Variants in ACTN4 observed in about 807,000 individuals in gnomAD.
ACTN4 encodes actinin alpha 4.
A neutral mutation model predicts 114.2 loss-of-function variants in ACTN4; 18 were observed. The ratio of observed to expected loss-of-function variants is 0.16; its 90% CI spans 0.11 to 0.23. The LOEUF is 0.23. Ranked by LOEUF, ACTN4 falls within the 10% of genes least tolerant of loss-of-function variation. The pLI is 1.00. For missense variants in ACTN4, 722 were observed against 1,262.9 expected (o/e 0.57, Z 6.49); for synonymous variants, 515 against 506.3 (o/e 1.02, Z -0.23).
chr19:38,652,468 G>A (rs1410455193), intron 1 of ACTN4, among the ~76,000 whole-genome samples: 1 of 152,076 alleles, frequency 6.6e-6, no homozygotes, highest in Admixed American at 6.6e-5. Context: ...CTGGTGCCCT[G>A]GAGTGGCACC....
chr19:38,647,974 G>A, intron 1 of ACTN4, 67 bp downstream of exon 1: 1 of 1,393,228 alleles, frequency 7.2e-7, no homozygotes, highest in South Asian at 1.6e-5. Flanking sequence ...GGGGTGGGAG[G>A]TCCTGAAAGG....
intron 1 of ACTN4, among the ~76,000 whole-genome samples, chr19:38,678,898 A>T (rs1967462071): frequency 6.6e-6 from 1 of 152,322 alleles, no homozygotes; most frequent in South Asian, 2.1e-4. Flanking sequence ...TGGCTTGTTT[A>T]TCTGATGGTA....
At chr19:38,680,227 T>G (rs1160506722) in intron 1 of ACTN4, among the ~76,000 whole-genome samples, 31 of 59,784 alleles carry the variant, frequency 5.2e-4, no homozygotes, top group South Asian at 5.0e-4. Flanking sequence ...TTTTTTTTTT[T>G]TTTTTTTTTT....
intron 1 of ACTN4, among the ~76,000 whole-genome samples, chr19:38,681,629 G>C (rs1264103306): frequency 6.6e-6 from 1 of 152,170 alleles, no homozygotes; most frequent in Non-Finnish European, 1.5e-5. Context: ...GGTGTCACCT[G>C]ACCTTTGCTG....
intron 1 of ACTN4, among the ~76,000 whole-genome samples, chr19:38,649,371 AG>A (rs1478010721): frequency 7.3e-6 from 1 of 136,566 alleles, no homozygotes; most frequent in Non-Finnish European, 1.6e-5. Context: ...TGTGGGGGGA[AG>A]GGGTTGTTCA....
Position 38,657,973 on chromosome 19 carries a change from A to G in ACTN4, c.162+10066A>G, listed in dbSNP as rs183020793. Among the ~76,000 whole-genome samples, 9 of 152,338 alleles carry G rather than the reference A, an allele frequency of 5.9e-5. No individual in the cohort carries two copies. The East Asian group carries it at 1.7e-3, about 29-fold the overall frequency. On this transcript the variant is annotated intron_variant, in intron 1 of 20. Transcript: ENST00000252699. The stretch of plus-strand genomic sequence containing the variant: ...TAAAAGGTATTTAGTTGCTATCACC[A>G]TGGAAACCAAGTTGCTTACTTACTG...
intron 8 of ACTN4, chr19:38,710,763 G>A (rs980820584): frequency 1.4e-4 from 47 of 332,340 alleles, no homozygotes; most frequent in African/African-American, 9.2e-4. Context: ...GCTGCTAGAT[G>A]CAGGCTGGGG....
At chr19:38,701,440 C>T (rs1968273760) in intron 3 of ACTN4, among the ~76,000 whole-genome samples, 2 of 152,204 alleles carry the variant, frequency 1.3e-5, no homozygotes, top group Admixed American at 1.3e-4. Context: ...CACTGGTTCT[C>T]CTTGTGCCAG....
At position 38,717,354 on chromosome 19, in the gene ACTN4, G is replaced by T; in HGVS notation, c.1143+38G>T. ...ATTCACATGGGAGCAGCTGTGAGGG[G>T]CAGAGGCAGCCCTAGAACTGCCTGT... On this transcript the variant is annotated intron_variant, in intron 10 of 20. Transcript: ENST00000252699. This position sits in a 1 kb window ranked among gnomAD's most constrained non-coding sequence, Gnocchi z 4.0. The T allele has an allele frequency of 6.2e-7, 1 of 1,602,568 alleles. No homozygotes were observed. The highest frequency in any genetic ancestry group is 1.1e-5 in the South Asian group (1 of 89,824).
intron 1 of ACTN4, among the ~76,000 whole-genome samples, chr19:38,689,777 G>A (rs949507131): frequency 4.6e-5 from 7 of 152,212 alleles, no homozygotes; most frequent in Admixed American, 2.0e-4. Flanking sequence ...GGGTTCAAGC[G>A]ATTCTCCTGC....
chr19:38,726,266 T>TA (rs1969229383), intron 17 of ACTN4, among the ~76,000 whole-genome samples: 1 of 144,524 alleles, frequency 6.9e-6, no homozygotes, highest in South Asian at 2.1e-4. Flanking sequence ...TCGGTCTGGG[T>TA]GACAGAGCCA....
At chr19:38,700,968 C>T (rs1276516425) in intron 2 of ACTN4, 34 bp from the exon 3 acceptor site, 6 of 1,610,898 alleles carry the variant, frequency 3.7e-6, no homozygotes, top group Non-Finnish European at 5.1e-6. Context: ...CTCTCTCTGT[C>T]TCGCCCCCTC....
Position 38,714,568 on chromosome 19 carries a change from G to A in ACTN4, c.912+7G>A, listed in dbSNP as rs1272541788. ...CGAGAAGCTGGCCAGCGACGTGAGTGTTCCCCCAGTGAAAGTCAGGGCCAC... is the reference window on the plus strand; with the variant it reads ...CGAGAAGCTGGCCAGCGACGTGAGTATTCCCCCAGTGAAAGTCAGGGCCAC... On this transcript the variant is annotated splice_region_variant and intron_variant, in intron 9 of 20. Coordinates refer to ENST00000252699, the MANE Select transcript of ACTN4 (RefSeq NM_004924.6). The A allele has an allele frequency of 6.8e-6, 11 of 1,613,728 alleles. No individual in the cohort carries two copies. The highest frequency in any genetic ancestry group is 8.5e-6 in the Non-Finnish European group (10 of 1,179,926).
At chr19:38,722,957 T>C (rs909976862) in intron 12 of ACTN4, among the ~76,000 whole-genome samples, 3 of 152,162 alleles carry the variant, frequency 2.0e-5, no homozygotes, top group African/African-American at 7.2e-5. Context: ...CAGAGGCCTG[T>C]GGACCGTCCA....
At chr19:38,660,543 G>A (rs1053531958) in intron 1 of ACTN4, among the ~76,000 whole-genome samples, 1 of 151,998 alleles carries the variant, frequency 6.6e-6, no homozygotes, top group Non-Finnish European at 1.5e-5. Flanking sequence ...TTACAGGCAC[G>A]TGCCACCATG....
chr19:38,712,352 T>C (rs1968684713), intron 8 of ACTN4, among the ~76,000 whole-genome samples: 1 of 152,194 alleles, frequency 6.6e-6, no homozygotes. Flanking sequence ...CTCTTGGTAC[T>C]GTGACCTTGG....
chr19:38,726,933 G>A (rs746853419), intron 17 of ACTN4, 24 bp from the exon 18 acceptor site: 35 of 1,613,084 alleles, frequency 2.2e-5, no homozygotes, highest in Non-Finnish European at 2.5e-5. Context: ...CCCGGCCCAC[G>A]ATCACGCCCC....
intron 11 of ACTN4, among the ~76,000 whole-genome samples, chr19:38,718,518 A>G (rs564788865): frequency 6.6e-6 from 1 of 152,092 alleles, no homozygotes; most frequent in African/African-American, 2.4e-5. Context: ...CCTGGGTGAC[A>G]GAGCAAGACC....
intron 1 of ACTN4, among the ~76,000 whole-genome samples, chr19:38,692,632 C>T (rs1006904706): frequency 6.6e-6 from 1 of 152,182 alleles, no homozygotes; most frequent in Non-Finnish European, 1.5e-5. Flanking sequence ...GCTGGGGAGC[C>T]GTTTCTGCTT....
Sources: allele counts gnomAD v4.1 joint callset (sites outside exome capture counted in the v4.1 genomes callset), GRCh38; gene constraint gnomAD v4.1.1; non-coding constraint Gnocchi (gnomAD v3.1); transcripts MANE v1.5; gene names NCBI Gene and HGNC (gene_info 2026-07-23, HGNC 2026-07-21).